Variants in CCDC91 observed in about 807,000 individuals in gnomAD.
CCDC91 encodes coiled-coil domain containing 91.
In CCDC91, 48 loss-of-function variants were observed where a neutral mutation model predicts 63.2. The ratio of observed to expected loss-of-function variants is 0.76; its 90% CI spans 0.60 to 0.97. The LOEUF (loss-of-function observed/expected upper bound fraction) is 0.97, where lower values mean the gene tolerates loss of function less well. Among genes scored for constraint, CCDC91 ranks in the 50% least tolerant of loss-of-function variants. The pLI is 0.00. For missense variants in CCDC91, 500 were observed against 494.6 expected, an observed-to-expected ratio of 1.01 and a Z score of -0.10; for synonymous variants, 167 against 165.8, an observed-to-expected ratio of 1.01 and a Z score of -0.06.
chr12:28,277,349 G>A (rs1199156971), intron 3 of CCDC91, among the ~76,000 whole-genome samples: 2 of 151,892 alleles, frequency 1.3e-5, no homozygotes, highest in African/African-American at 4.8e-5. Flanking sequence ...TTTTTGGTAT[G>A]TCAGATGTTC....
chr12:28,218,380 T>A (rs1382996070), intron 1 of CCDC91, among the ~76,000 whole-genome samples: 1 of 152,060 alleles, frequency 6.6e-6, no homozygotes, highest in Non-Finnish European at 1.5e-5. Context: ...TTTCTGTATA[T>A]CATAGTGATT....
chr12:28,238,763 A>G lies in CCDC91; in HGVS notation c.-14-18439A>G, dbSNP rs926341626. On this transcript the variant is annotated intron_variant, in intron 1 of 12. Transcript: ENST00000536442. ...ATTAAAAAGAATGAATCAGATATGC[A>G]CCAGTAAACTTGGTGGGATTTGCAT... 2.0e-5 allele frequency among the ~76,000 whole-genome samples: 3 copies of G among 152,294 alleles called. No homozygotes were observed. The East Asian group carries it at 5.8e-4, about 29-fold the overall frequency.
chr12:28,247,437 G>A (rs1945823388), intron 1 of CCDC91, among the ~76,000 whole-genome samples: 2 of 149,046 alleles, frequency 1.3e-5, no homozygotes, highest in Admixed American at 6.7e-5. Context: ...CCGAGACCGG[G>A]CCACTGCACT....
At chr12:28,518,213 G>T (rs971040563) in intron 12 of CCDC91, among the ~76,000 whole-genome samples, 1 of 151,964 alleles carries the variant, frequency 6.6e-6, no homozygotes, top group African/African-American at 2.4e-5. Flanking sequence ...TCTCCACACT[G>T]TTTTCCATAG....
At chr12:28,361,878 A>T (rs941664005) in intron 6 of CCDC91, among the ~76,000 whole-genome samples, 1 of 59,170 alleles carries the variant, frequency 1.7e-5, no homozygotes, top group African/African-American at 6.8e-5. Context: ...TGTGTGTGGG[A>T]GGGGGGCGGG....
At chr12:28,374,606 A>C (rs921922045) in intron 7 of CCDC91, among the ~76,000 whole-genome samples, 2 of 152,168 alleles carry the variant, frequency 1.3e-5, no homozygotes, top group African/African-American at 4.8e-5. Context: ...ACACCATTTA[A>C]ATGAACTAGC....
intron 8 of CCDC91, among the ~76,000 whole-genome samples, chr12:28,417,605 A>G (rs1294244079): frequency 7.1e-6 from 1 of 140,954 alleles, no homozygotes; most frequent in East Asian, 2.1e-4. Flanking sequence ...TAAGCTGTAC[A>G]ACGTGAACCT....
chr12:28,324,478 C>G (rs912290354), intron 6 of CCDC91, among the ~76,000 whole-genome samples: 2 of 151,850 alleles, frequency 1.3e-5, no homozygotes, highest in African/African-American at 4.8e-5. Context: ...TTGCCCTAGC[C>G]TAGGGAGCAA....
intron 12 of CCDC91, 29 bp downstream of exon 12, chr12:28,484,194 G>A: frequency 7.7e-7 from 1 of 1,304,292 alleles, no homozygotes; most frequent in Non-Finnish European, 1.1e-6. Flanking sequence ...GTTTTAATTT[G>A]TGCTTCAATA....
At chr12:28,228,483 T>C (rs1337674209) in intron 1 of CCDC91, among the ~76,000 whole-genome samples, 2 of 152,104 alleles carry the variant, frequency 1.3e-5, no homozygotes, top group Non-Finnish European at 1.5e-5. Context: ...GTTGCATAGA[T>C]TACCTCACGA....
At chr12:28,326,274 A>G (rs1336436101) in intron 6 of CCDC91, among the ~76,000 whole-genome samples, 1 of 152,128 alleles carries the variant, frequency 6.6e-6, no homozygotes, top group African/African-American at 2.4e-5. Context: ...GTTTTTGAGC[A>G]AGACTAAATT....
At chr12:28,457,288 T>C (rs76599646) in intron 11 of CCDC91, among the ~76,000 whole-genome samples, 1 of 151,938 alleles carries the variant, frequency 6.6e-6, no homozygotes, top group Non-Finnish European at 1.5e-5. Flanking sequence ...ACCTACAAAC[T>C]GTTTTGAGTA....
rs199651521 is a variant in CCDC91 at position 28,546,237 on chromosome 12, G to A, written c.1216-2826G>A. Reference sequence around the variant, plus strand: ...CTTATATGTCTCAAAATAATATACCGCTGAGTTCTGCTTATATTTTGTGCC... The same window carrying A: ...CTTATATGTCTCAAAATAATATACCACTGAGTTCTGCTTATATTTTGTGCC... On this transcript the variant is annotated intron_variant, in intron 12 of 12. Coordinates refer to ENST00000536442, the MANE Select transcript of CCDC91 (RefSeq NM_018318.5). Among the ~76,000 whole-genome samples, 5 of 151,982 alleles carry A rather than the reference G, an allele frequency of 3.3e-5. No individual in the cohort carries two copies. In the East Asian group the frequency reaches 5.8e-4, roughly 18 times the overall value.
intron 3 of CCDC91, among the ~76,000 whole-genome samples, chr12:28,296,075 G>A (rs565998927): frequency 6.6e-6 from 1 of 151,332 alleles, no homozygotes; most frequent in East Asian, 1.9e-4. Context: ...TTTATTTTTG[G>A]ATGCTGTGGT....
chr12:28,200,862 C>T (rs954574524), intron 1 of CCDC91, among the ~76,000 whole-genome samples: 9 of 151,058 alleles, frequency 6.0e-5, no homozygotes, highest in Non-Finnish European at 8.9e-5. Flanking sequence ...TGGGCAGAGG[C>T]GCCCCTCACC....
At chr12:28,235,103 T>C (rs773073971) in intron 1 of CCDC91, among the ~76,000 whole-genome samples, 7 of 152,164 alleles carry the variant, frequency 4.6e-5, no homozygotes, top group Non-Finnish European at 1.0e-4. Context: ...ATTTCTTATA[T>C]GGAGGGTCGT....
At chr12:28,548,956 C>G in intron 12 of CCDC91, 107 bp from the exon 13 acceptor site, 1 of 658,002 alleles carries the variant, frequency 1.5e-6, no homozygotes, top group South Asian at 2.1e-5. Context: ...CCTAAATTGT[C>G]TCATCTGGAA....
chr12:28,490,288 G>A (rs1237140678), intron 12 of CCDC91, among the ~76,000 whole-genome samples: 1 of 151,658 alleles, frequency 6.6e-6, no homozygotes, highest in African/African-American at 2.4e-5. Context: ...TTTGATTTGG[G>A]TCTCATATTT....
At chr12:28,478,080 A>G (rs1422422751) in intron 11 of CCDC91, among the ~76,000 whole-genome samples, 1 of 152,188 alleles carries the variant, frequency 6.6e-6, no homozygotes, top group African/African-American at 2.4e-5. Flanking sequence ...CAAGCTATCA[A>G]TGACTTTCTT....
Sources: allele counts gnomAD v4.1 joint callset (sites outside exome capture counted in the v4.1 genomes callset), GRCh38; gene constraint gnomAD v4.1.1; transcripts MANE v1.5; gene names NCBI Gene and HGNC (gene_info 2026-07-23, HGNC 2026-07-21).